RIMS1: variants seen among roughly 807,000 people sequenced by gnomAD.
RIMS1 encodes the protein regulating synaptic membrane exocytosis 1, also known as regulating synaptic membrane exocytosis protein 1.
A neutral mutation model predicts 214.1 loss-of-function variants in RIMS1; 83 were observed. The ratio of observed to expected loss-of-function variants is 0.39; its 90% CI spans 0.32 to 0.47. The LOEUF (loss-of-function observed/expected upper bound fraction) is 0.47. Ranked by LOEUF, RIMS1 falls within the 20% of genes least tolerant of loss-of-function variation. The pLI, the probability that RIMS1 is intolerant of heterozygous loss-of-function variation, is 0.99. For synonymous variants in RIMS1, 793 were observed against 786.8 expected, an observed-to-expected ratio of 1.01 and a Z score of -0.13; for missense variants, 2,050 against 2,161.8, an observed-to-expected ratio of 0.95 and a Z score of 1.03.
chr6:72,328,763 C>T (rs370014946), intron 28 of RIMS1, among the ~76,000 whole-genome samples: 1 of 151,456 alleles, frequency 6.6e-6, no homozygotes, highest in African/African-American at 2.4e-5. Flanking sequence ...TCAGTATGCA[C>T]AATATATTTC....
At position 72,339,854 on chromosome 6, in the gene RIMS1, T is replaced by C. The variant is rs1365785830; in HGVS notation, c.4366+6019T>C. Among the ~76,000 whole-genome samples, 755 of 151,072 alleles carry C rather than the reference T, an allele frequency of 5.0e-3. 3 individuals carry two copies. Among genetic ancestry groups the C allele is most frequent in the African/African-American group, 0.01 (430 of 41,194 alleles). ...TTCTAGTTCTAGATCCCTGAGGAAT[T>C]GCCACACTGACTTCCACAATGGTTG... On this transcript the variant is annotated intron_variant, in intron 29 of 33. Coordinates refer to ENST00000521978, the MANE Select transcript of RIMS1 (RefSeq NM_014989.7).
chr6:72,265,410 C>T lies in RIMS1; in HGVS notation c.3215C>T (p.Thr1072Ile). 2.5e-6 allele frequency: 4 copies of T among 1,603,902 alleles called. No homozygotes were observed. The highest frequency in any genetic ancestry group is 3.4e-6 in the Non-Finnish European group (4 of 1,172,430). Residue 1072 changes from threonine to isoleucine, a missense_variant, in exon 21 of 34, where the codon ACT becomes ATT. This residue lies in a region of RIMS1 where 889 missense variants were observed against 885.5 expected (regional missense o/e 1.00). Transcript: ENST00000521978. ...NIYSSILPAH[T>I]KTKSVTRQDI... is the part of the protein sequence containing the mutation. ...TGGAGCTCAATTCTGCCTGCACATA[C>T]TAAGACCAAATCAGTGACTAGACAG...
At chr6:72,020,622 A>T (rs1442356280) in intron 2 of RIMS1, among the ~76,000 whole-genome samples, 1 of 152,074 alleles carries the variant, frequency 6.6e-6, no homozygotes, top group Non-Finnish European at 1.5e-5. Context: ...TGATATTTCA[A>T]TGGTATTTGA....
chr6:71,916,550 T>G (rs2150688373), intron 1 of RIMS1, among the ~76,000 whole-genome samples: 1 of 152,286 alleles, frequency 6.6e-6, no homozygotes, highest in East Asian at 1.9e-4. Flanking sequence ...TTTGAGTAAT[T>G]CTAAGCTGAT....
intron 6 of RIMS1, among the ~76,000 whole-genome samples, chr6:72,210,824 G>A (rs1249605261): frequency 1.3e-5 from 2 of 152,072 alleles, no homozygotes; most frequent in African/African-American, 2.4e-5. Flanking sequence ...CCTGTTCTAT[G>A]TATTTTTTCT....
intron 19 of RIMS1, among the ~76,000 whole-genome samples, chr6:72,264,406 T>C (rs1247759215): frequency 6.6e-6 from 1 of 152,140 alleles, no homozygotes. Context: ...TTTCCTGTGG[T>C]TGGGTCTGGA....
At chr6:72,187,261 A>G (rs1161992569) in intron 6 of RIMS1, among the ~76,000 whole-genome samples, 1 of 152,174 alleles carries the variant, frequency 6.6e-6, no homozygotes, top group Non-Finnish European at 1.5e-5. Flanking sequence ...GGAATGTAAT[A>G]TATGTATATG....
At chr6:72,332,651 A>G (rs2096710287) in intron 28 of RIMS1, among the ~76,000 whole-genome samples, 1 of 150,288 alleles carries the variant, frequency 6.7e-6, no homozygotes, top group Non-Finnish European at 1.5e-5. Context: ...TAACCTGCAC[A>G]TTGTGCACAT....
rs138080372 is a variant in RIMS1, at chr6:72,087,066, C to T, written c.246-9883C>T. ...ACCTTGTATCTCAGTCCAAGTTTTACGTTGATTTGCTGTCCCTGCAGCTTC... is the reference window on the plus strand; with the variant it reads ...ACCTTGTATCTCAGTCCAAGTTTTATGTTGATTTGCTGTCCCTGCAGCTTC... On this transcript the variant is annotated intron_variant, in intron 2 of 33. Coordinates refer to ENST00000521978, the MANE Select transcript of RIMS1 (RefSeq NM_014989.7). 5.1e-4 allele frequency among the ~76,000 whole-genome samples: 77 copies of T among 152,270 alleles called. 1 individual carries two copies. Among genetic ancestry groups the T allele is most frequent in the Non-Finnish European group, 6.6e-4 (45 of 68,014 alleles).
Position 72,342,308 on chromosome 6 carries a change from C to T in RIMS1, c.4366+8473C>T, listed in dbSNP as rs78896029. 7.6e-3 allele frequency among the ~76,000 whole-genome samples: 1,146 copies of T among 151,766 alleles called. 15 individuals are homozygous for T. The highest frequency in any genetic ancestry group is 0.026 in the African/African-American group (1,097 of 41,468). On this transcript the variant is annotated intron_variant, in intron 29 of 33. Transcript: ENST00000521978. ...TTCCCCTCCACAATTAGATTTAGCA[C>T]GCAGTTCTTGTCATGGGTGGGAAAG...
At chr6:72,096,080 A>G (rs1365745256) in intron 2 of RIMS1, among the ~76,000 whole-genome samples, 3 of 152,230 alleles carry the variant, frequency 2.0e-5, no homozygotes, top group Non-Finnish European at 2.9e-5. Context: ...TGTCGATGGG[A>G]GGAGACTTTA....
chr6:72,345,777 T>C (rs1368418942), intron 29 of RIMS1, among the ~76,000 whole-genome samples: 5 of 151,758 alleles, frequency 3.3e-5, no homozygotes, highest in Non-Finnish European at 7.4e-5. Context: ...GAATAAACAG[T>C]CTTTTGTATC....
At chr6:72,102,073 T>G (rs996851330) in intron 4 of RIMS1, among the ~76,000 whole-genome samples, 3 of 152,112 alleles carry the variant, frequency 2.0e-5, no homozygotes, top group South Asian at 4.1e-4. Flanking sequence ...ATAGCCAGTT[T>G]AAATTACTTT....
rs750685709 is a variant in RIMS1 at position 72,182,831 on chromosome 6, C to G, written c.1360C>G (p.His454Asp). 5 of 1,551,624 alleles carry G rather than the reference C, an allele frequency of 3.2e-6. No individual in the cohort carries two copies. Residue 454 changes from histidine (H) to aspartate (D), a missense_variant, in exon 6 of 34, where the codon CAT becomes GAT. His to Asp is a moderately conservative substitution (Grantham distance 81). This residue lies in a region of RIMS1 where 882 missense variants were observed against 828.9 expected (regional missense o/e 1.06). Transcript: ENST00000521978. ...GAACCACAGCCCGCCGGCGCCCAGA[C>G]ATGGGCCGGTTCCCGCAGAAGCCCC... ...LTNHSPPAPRHGPVPAEAPEL... is the reference protein window; with the variant it reads ...LTNHSPPAPRDGPVPAEAPEL...
intron 2 of RIMS1, among the ~76,000 whole-genome samples, chr6:72,067,110 A>G (rs1829503526): frequency 6.6e-6 from 1 of 152,152 alleles, no homozygotes; most frequent in African/African-American, 2.4e-5. Context: ...ACTCTTGACT[A>G]TGGATTCCTC....
intron 19 of RIMS1, chr6:72,260,980 T>C: frequency 7.5e-7 from 1 of 1,338,538 alleles, no homozygotes; most frequent in Non-Finnish European, 9.7e-7. Context: ...ATCTGTAGAT[T>C]CAAAAATCCA....
chr6:72,075,641 A>G (rs759192884), intron 2 of RIMS1, among the ~76,000 whole-genome samples: 1 of 152,224 alleles, frequency 6.6e-6, no homozygotes, highest in Admixed American at 6.5e-5. Context: ...AACTAAGATT[A>G]GAAAGATGAA....
At chr6:72,184,763 G>GAAA (rs397967233) in intron 6 of RIMS1, among the ~76,000 whole-genome samples, 57 of 137,320 alleles carry the variant, frequency 4.2e-4, no homozygotes, top group Non-Finnish European at 1.1e-4. Flanking sequence ...TTTATTCTGG[G>GAAA]AAAAAAAAAA....
chr6:71,991,890 C>T (rs546571558), intron 2 of RIMS1, among the ~76,000 whole-genome samples: 2 of 152,044 alleles, frequency 1.3e-5, no homozygotes, highest in Admixed American at 6.5e-5. Flanking sequence ...ATGGTGAAAC[C>T]CTGTCTCTAA....
Sources: gnomAD v4.1 joint callset for allele counts (sites outside exome capture counted in the v4.1 genomes callset) on GRCh38, gnomAD v4.1.1 for gene constraint, gnomAD v4.1.1 regional missense constraint, MANE v1.5 for transcripts, NCBI Gene and HGNC (gene_info 2026-07-23, HGNC 2026-07-21) for gene names.